NRXN1: variants seen among roughly 807,000 people sequenced by gnomAD.
NRXN1 encodes the protein neurexin 1.
Under a neutral mutation model 150.9 loss-of-function variants are expected in NRXN1, and 39 were observed. The ratio of observed to expected loss-of-function variants is 0.26; its 90% confidence interval spans 0.20 to 0.34. The LOEUF (loss-of-function observed/expected upper bound fraction) is 0.34. Among genes scored for constraint, NRXN1 ranks in the 10% least tolerant of loss-of-function variants. The probability of loss-of-function intolerance (pLI) is 1.00; values close to 1 mark genes in which losing one functional copy is unlikely to be tolerated. For synonymous variants in NRXN1, 924 were observed against 757.0 expected, an observed-to-expected ratio of 1.22 and a Z score of -3.62; for missense variants, 1,815 against 1,949.9, an observed-to-expected ratio of 0.93 and a Z score of 1.30.
intron 17 of NRXN1, among the ~76,000 whole-genome samples, chr2:50,266,536 T>TATACACACACAC (rs749472516): frequency 8.9e-6 from 1 of 112,800 alleles, no homozygotes; most frequent in African/African-American, 3.2e-5. Flanking sequence ...TGTATATAAA[T>TATACACACACAC]ACACACACAC....
At chr2:50,149,456 C>T (rs574780071) in intron 18 of NRXN1, among the ~76,000 whole-genome samples, 4 of 151,630 alleles carry the variant, frequency 2.6e-5, no homozygotes, top group South Asian at 2.1e-4. Flanking sequence ...CAAAGAGAAG[C>T]AAATGATATG....
chr2:50,901,035 A>AT (rs1321776001), intron 5 of NRXN1, among the ~76,000 whole-genome samples: 1 of 151,926 alleles, frequency 6.6e-6, no homozygotes, highest in African/African-American at 2.4e-5. Context: ...CCATTCACTG[A>AT]TTTTTTTCTC....
At chr2:50,336,321 T>A (rs2077187312) in intron 17 of NRXN1, among the ~76,000 whole-genome samples, 2 of 152,164 alleles carry the variant, frequency 1.3e-5, no homozygotes, top group African/African-American at 4.8e-5. Context: ...TATAGTCTAA[T>A]ATAAAAACTC....
intron 18 of NRXN1, among the ~76,000 whole-genome samples, chr2:50,170,282 A>T (rs773305658): frequency 6.6e-6 from 1 of 151,654 alleles, no homozygotes; most frequent in South Asian, 2.1e-4. Flanking sequence ...TCATTAGAAC[A>T]TTTTGTTTTG....
intron 12 of NRXN1, among the ~76,000 whole-genome samples, chr2:50,508,566 C>CT (rs923803409): frequency 1.5e-3 from 217 of 146,562 alleles, no homozygotes; most frequent in African/African-American, 3.7e-3. Context: ...TTATAGGGAA[C>CT]TTTTTTTTTT....
At chr2:50,811,930 C>T (rs1050564523) in intron 5 of NRXN1, among the ~76,000 whole-genome samples, 1 of 151,984 alleles carries the variant, frequency 6.6e-6, no homozygotes, top group South Asian at 2.1e-4. Flanking sequence ...GATTTTGGTA[C>T]AATATTTAAA....
intron 5 of NRXN1, among the ~76,000 whole-genome samples, chr2:50,920,262 G>T (rs1249875362): frequency 1.3e-5 from 2 of 151,718 alleles, no homozygotes; most frequent in Admixed American, 1.3e-4. Context: ...AAAAAATAAT[G>T]TTTGACACAC....
intron 5 of NRXN1, among the ~76,000 whole-genome samples, chr2:50,751,411 T>C (rs552854054): frequency 2.0e-5 from 3 of 151,988 alleles, no homozygotes; most frequent in African/African-American, 7.2e-5. Context: ...TCAGGACCTA[T>C]ACAAACACTG....
chr2:50,865,664 T>G (rs894609112), intron 5 of NRXN1, among the ~76,000 whole-genome samples: 17 of 129,598 alleles, frequency 1.3e-4, no homozygotes, highest in Non-Finnish European at 2.5e-4. Context: ...GAAAGTTTTT[T>G]TTTTTTTTTT....
At chr2:50,611,860 C>T (rs909216041) in intron 8 of NRXN1, among the ~76,000 whole-genome samples, 15 of 152,094 alleles carry the variant, frequency 9.9e-5, no homozygotes, top group Non-Finnish European at 2.1e-4. Flanking sequence ...CCACTGAAAG[C>T]TCATATATAA....
intron 2 of NRXN1, among the ~76,000 whole-genome samples, chr2:50,993,345 G>T (rs62143012): frequency 6.6e-6 from 1 of 151,756 alleles, no homozygotes; most frequent in South Asian, 2.1e-4. Context: ...GTGCCATACT[G>T]CCCCAAAGAT....
chr2:50,725,114 T>C (rs1697175200), intron 5 of NRXN1, among the ~76,000 whole-genome samples: 1 of 151,428 alleles, frequency 6.6e-6, no homozygotes, highest in Non-Finnish European at 1.5e-5. Flanking sequence ...CCACCATGTG[T>C]GTGAATTAGA....
chr2:50,621,159 A>AAC, intron 7 of NRXN1, 67 bp downstream of exon 7: 1 of 1,413,772 alleles, frequency 7.1e-7, no homozygotes, highest in Non-Finnish European at 9.6e-7. Flanking sequence ...AAAGAAAGAA[A>AAC]ACACACGGCA....
intron 17 of NRXN1, among the ~76,000 whole-genome samples, chr2:50,450,740 A>C (rs1354482702): frequency 6.6e-6 from 1 of 152,184 alleles, no homozygotes; most frequent in African/African-American, 2.4e-5. Context: ...TTAGGCCAGA[A>C]GCAGAGGTAT....
intron 8 of NRXN1, among the ~76,000 whole-genome samples, chr2:50,560,459 T>TATTTATTTATTG (rs146788159): frequency 0.1 from 15,319 of 150,038 alleles, 1,241 homozygotes; most frequent in East Asian, 0.31. Flanking sequence ...TTTATTTACT[T>TATTTATTTATTG]AGAAGCCGTC....
intron 8 of NRXN1, among the ~76,000 whole-genome samples, chr2:50,581,562 C>G (rs1007064475): frequency 2.0e-5 from 3 of 152,046 alleles, no homozygotes; most frequent in African/African-American, 7.2e-5. Flanking sequence ...AGTTCTTAAA[C>G]AAGAGTTTTC....
At chr2:49,932,795 C>T (rs1412255282) in intron 22 of NRXN1, among the ~76,000 whole-genome samples, 2 of 152,134 alleles carry the variant, frequency 1.3e-5, no homozygotes, top group African/African-American at 2.4e-5. Flanking sequence ...CTGTGCTATA[C>T]ATTTTACACA....
intron 17 of NRXN1, among the ~76,000 whole-genome samples, chr2:50,442,806 G>A (rs1170325582): frequency 1.3e-5 from 2 of 152,148 alleles, no homozygotes; most frequent in Non-Finnish European, 2.9e-5. Context: ...AGCAGAGTTG[G>A]TGGACACCTT....
chr2:50,271,041 G>C (rs181285014), intron 17 of NRXN1, among the ~76,000 whole-genome samples: 2 of 152,062 alleles, frequency 1.3e-5, no homozygotes, highest in Non-Finnish European at 2.9e-5. Context: ...ATGCACAACT[G>C]CATAGTTACA....
Sources: allele counts gnomAD v4.1 joint callset (sites outside exome capture counted in the v4.1 genomes callset), GRCh38; gene constraint gnomAD v4.1.1; transcripts MANE v1.5; gene names NCBI Gene and HGNC (gene_info 2026-07-23, HGNC 2026-07-21).